Variants in TESC observed in about 807,000 individuals in gnomAD.
TESC encodes calcineurin B homologous protein 3.
In TESC, 19 loss-of-function variants were observed where a neutral mutation model predicts 31.0. The observed-to-expected ratio is 0.61, with a 90% CI of 0.43 to 0.90. The LOEUF is 0.90. Ranked by LOEUF, TESC falls within the 40% of genes least tolerant of loss-of-function variation. TESC has a pLI of 0.00. For missense variants in TESC, 248 were observed against 303.8 expected (o/e 0.82, Z 1.36); for synonymous variants, 109 against 114.8 (o/e 0.95, Z 0.32).
intron 1 of TESC, among the ~76,000 whole-genome samples, chr12:117,094,971 G>A (rs1364462441): frequency 4.7e-5 from 7 of 148,626 alleles, no homozygotes; most frequent in African/African-American, 7.5e-5. Context: ...AGCTGAGATC[G>A]CGCCACTGCA....
intron 3 of TESC, among the ~76,000 whole-genome samples, chr12:117,056,537 T>G (rs1208254759): frequency 1.3e-5 from 2 of 152,162 alleles, no homozygotes; most frequent in African/African-American, 4.8e-5. Flanking sequence ...CATGCTTGGC[T>G]ATTGTGTTAA....
intron 4 of TESC, chr12:117,048,734 G>A (rs1403583603): frequency 8.7e-6 from 5 of 576,218 alleles, no homozygotes; most frequent in Non-Finnish European, 1.3e-5. Context: ...GGGCCACACT[G>A]GAACCCAGGT....
At chr12:117,048,637 G>A (rs1954602348) in intron 4 of TESC, 2 of 457,974 alleles carry the variant, frequency 4.4e-6, no homozygotes, top group South Asian at 3.1e-5. Context: ...AAGGCTGACT[G>A]TGTGATCTTA....
In TESC at chr12:117,039,085, A is replaced by G. The variant is rs755999701; in HGVS notation, c.*48T>C. ...CCTGGGCTGCTCCAGCTACGCGGGG[A>G]GGCGGCCCCATTGCAAAGTGCAGTT... is the stretch of plus-strand genomic sequence containing the variant. On this transcript the variant is annotated 3_prime_UTR_variant, in exon 8 of 8. Transcript: ENST00000335209. 2.5e-6 allele frequency: 4 copies of G among 1,598,564 alleles called. No individual in the cohort carries two copies. The highest frequency in any genetic ancestry group is 3.4e-6 in the Non-Finnish European group (4 of 1,171,030).
At chr12:117,050,488 C>T (rs907672800) in intron 3 of TESC, among the ~76,000 whole-genome samples, 1 of 152,166 alleles carries the variant, frequency 6.6e-6, no homozygotes, top group Non-Finnish European at 1.5e-5. Flanking sequence ...TGAGACTGGC[C>T]GTACAAATGT....
At chr12:117,070,433 G>A (rs1008372702) in intron 2 of TESC, among the ~76,000 whole-genome samples, 12 of 152,152 alleles carry the variant, frequency 7.9e-5, no homozygotes, top group South Asian at 6.2e-4. Flanking sequence ...AGGCTGGGCT[G>A]GGGCTGTCAC....
At chr12:117,078,991 T>C (rs925058905) in intron 1 of TESC, among the ~76,000 whole-genome samples, 1 of 152,186 alleles carries the variant, frequency 6.6e-6, no homozygotes, top group Admixed American at 6.6e-5. Context: ...GTTCCTTCCA[T>C]GACCCTATGA....
intron 2 of TESC, among the ~76,000 whole-genome samples, chr12:117,069,368 A>T (rs1417514207): frequency 1.3e-5 from 2 of 152,134 alleles, no homozygotes; most frequent in Non-Finnish European, 2.9e-5. Context: ...CCTCCCGAGT[A>T]GCTGGGATTA....
intron 1 of TESC, among the ~76,000 whole-genome samples, chr12:117,080,465 A>C (rs1326128743): frequency 6.6e-6 from 1 of 152,100 alleles, no homozygotes. Context: ...AAAAAAGAAC[A>C]TGCACACACG....
rs568461917 is a variant in TESC, at chr12:117,091,445, C to G, written c.58+7780G>C. On this transcript the variant is annotated intron_variant, in intron 1 of 7. Transcript: ENST00000335209. ...TGTCTGAGAGTTGATTAAATTTCCA[C>G]GATACATTCTGGAGACCATTAACTC... Among the ~76,000 whole-genome samples, 5 of 152,336 alleles carry G rather than the reference C, an allele frequency of 3.3e-5. No homozygotes were observed. In the South Asian group the frequency reaches 1.0e-3, roughly 32 times the overall value.
At chr12:117,082,535 G>C (rs1258524188) in intron 1 of TESC, among the ~76,000 whole-genome samples, 1 of 151,600 alleles carries the variant, frequency 6.6e-6, no homozygotes, top group Non-Finnish European at 1.5e-5. Context: ...GGGAAATACT[G>C]AGCCACAGAA....
chr12:117,063,493 G>C (rs535772569), intron 2 of TESC, among the ~76,000 whole-genome samples: 1 of 152,070 alleles, frequency 6.6e-6, no homozygotes, highest in Non-Finnish European at 1.5e-5. Context: ...GTTGGTTTCC[G>C]GTGGCTTTCG....
At chr12:117,076,282 C>T (rs952800189) in intron 1 of TESC, among the ~76,000 whole-genome samples, 5 of 151,982 alleles carry the variant, frequency 3.3e-5, no homozygotes, top group Admixed American at 6.6e-5. Flanking sequence ...GGGAAACCTA[C>T]ACTGAGAAAT....
At chr12:117,077,301 A>G (rs1955087255) in intron 1 of TESC, among the ~76,000 whole-genome samples, 1 of 152,158 alleles carries the variant, frequency 6.6e-6, no homozygotes, top group African/African-American at 2.4e-5. Flanking sequence ...TGACACTTGG[A>G]ACGGTTAGGT....
At chr12:117,068,066 AT>A (rs1234155493) in intron 2 of TESC, among the ~76,000 whole-genome samples, 1 of 151,934 alleles carries the variant, frequency 6.6e-6, no homozygotes, top group Non-Finnish European at 1.5e-5. Context: ...TCATTTTTAA[AT>A]TTTTTTTGTA....
intron 2 of TESC, among the ~76,000 whole-genome samples, chr12:117,059,694 G>A (rs1189149079): frequency 1.3e-5 from 2 of 152,140 alleles, no homozygotes; most frequent in African/African-American, 4.8e-5. Flanking sequence ...CCGGGTTCAA[G>A]TGATTCTCCT....
intron 1 of TESC, among the ~76,000 whole-genome samples, chr12:117,096,458 G>T (rs1419685067): frequency 1.3e-5 from 2 of 152,186 alleles, no homozygotes; most frequent in African/African-American, 4.8e-5. Context: ...CCAGGTGGGG[G>T]TACTGAGGCT....
At chr12:117,090,111 C>A (rs1470467477) in intron 1 of TESC, among the ~76,000 whole-genome samples, 2 of 151,366 alleles carry the variant, frequency 1.3e-5, no homozygotes, top group East Asian at 1.9e-4. Context: ...TGCATGCCTG[C>A]AAAATAACAA....
rs115233885 is a variant in TESC at position 117,079,008 on chromosome 12, T to C, written c.59-3668A>G. On this transcript the variant is annotated intron_variant, in intron 1 of 7. Coordinates refer to ENST00000335209, the MANE Select transcript of TESC (RefSeq NM_017899.4). ...TCCTTCCATGACCCTATGAGGGACA[T>C]GCTATTCCCGTTTTATAGAAGAATA... Among the ~76,000 whole-genome samples, 268 of 152,272 alleles carry C rather than the reference T, an allele frequency of 1.8e-3. 1 individual carries two copies. The highest frequency in any genetic ancestry group is 6.2e-3 in the African/African-American group (258 of 41,552).
Sources: gnomAD v4.1 joint callset for allele counts (sites outside exome capture counted in the v4.1 genomes callset) on GRCh38, gnomAD v4.1.1 for gene constraint, MANE v1.5 for transcripts, NCBI Gene and HGNC (gene_info 2026-07-23, HGNC 2026-07-21) for gene names.